NPAS3: variants seen among roughly 807,000 people sequenced by gnomAD.
The protein encoded by NPAS3 is neuronal PAS domain-containing protein 3.
A neutral mutation model predicts 73.1 loss-of-function variants in NPAS3; 14 were observed. The observed-to-expected ratio is 0.19, with a 90% CI of 0.13 to 0.30. The LOEUF (loss-of-function observed/expected upper bound fraction) is 0.30. Among genes scored for constraint, NPAS3 ranks in the 10% least tolerant of loss-of-function variants. NPAS3 has a pLI of 1.00. For synonymous variants in NPAS3, 620 were observed against 541.5 expected (o/e 1.14, Z -2.01); for missense variants, 1,096 against 1,250.0 (o/e 0.88, Z 1.86).
intron 2 of NPAS3, among the ~76,000 whole-genome samples, chr14:33,084,623 T>A (rs1464415782): frequency 6.6e-6 from 1 of 152,134 alleles, no homozygotes; most frequent in African/African-American, 2.4e-5. Flanking sequence ...TCCCATGGAA[T>A]CCCTCTGGGC....
At chr14:33,045,095 A>G (rs1004376122) in intron 1 of NPAS3, among the ~76,000 whole-genome samples, 1 of 152,124 alleles carries the variant, frequency 6.6e-6, no homozygotes, top group Non-Finnish European at 1.5e-5. Context: ...CCAACCTGGA[A>G]GTGCTGCTCA....
At chr14:33,597,446 G>C (rs746673461) in intron 5 of NPAS3, among the ~76,000 whole-genome samples, 2 of 152,198 alleles carry the variant, frequency 1.3e-5, no homozygotes, top group African/African-American at 2.4e-5. Context: ...AACATAAAGA[G>C]TAATTTTCGT....
chr14:33,506,443 T>A (rs2052766383), intron 4 of NPAS3, among the ~76,000 whole-genome samples: 1 of 152,102 alleles, frequency 6.6e-6, no homozygotes, highest in Admixed American at 6.5e-5. Context: ...AGGAGACTCC[T>A]TCCTTGTATC....
At chr14:33,497,592 T>G (rs2052269581) in intron 4 of NPAS3, among the ~76,000 whole-genome samples, 2 of 152,030 alleles carry the variant, frequency 1.3e-5, no homozygotes, top group African/African-American at 4.8e-5. Context: ...AAAACAAGCA[T>G]GAGGAAAGGA....
In NPAS3 at chr14:33,146,809, G is replaced by A. The variant is rs117577243; in HGVS notation, c.141-68373G>A. 2.6e-4 allele frequency among the ~76,000 whole-genome samples: 39 copies of A among 152,330 alleles called. No homozygotes were observed. In the East Asian group the frequency reaches 5.2e-3, roughly 20 times the overall value. On this transcript the variant is annotated intron_variant, in intron 2 of 11. Transcript: ENST00000356141. ...TAAGATAGAGGTTTACCGAAGGGCAGGAGGAGTAGAGAAGAGGGCCATGAC... is the reference window on the plus strand; with the variant it reads ...TAAGATAGAGGTTTACCGAAGGGCAAGAGGAGTAGAGAAGAGGGCCATGAC...
chr14:33,602,632 T>C (rs2057435214), intron 5 of NPAS3, among the ~76,000 whole-genome samples: 1 of 152,198 alleles, frequency 6.6e-6, no homozygotes, highest in African/African-American at 2.4e-5. Context: ...GTAAAGTTTT[T>C]TTTTCATCCA....
At chr14:33,218,602 T>C (rs1351338555) in intron 3 of NPAS3, among the ~76,000 whole-genome samples, 1 of 152,202 alleles carries the variant, frequency 6.6e-6, no homozygotes, top group Non-Finnish European at 1.5e-5. Flanking sequence ...ACGATAGACA[T>C]TATACTTCAT....
chr14:33,762,048 A>C (rs2062309238), intron 7 of NPAS3, among the ~76,000 whole-genome samples: 2 of 152,226 alleles, frequency 1.3e-5, no homozygotes, highest in Non-Finnish European at 2.9e-5. Context: ...GATCTCATTT[A>C]ATGCATTGAT....
intron 4 of NPAS3, among the ~76,000 whole-genome samples, chr14:33,548,318 C>T (rs2054942365): frequency 6.6e-6 from 1 of 152,098 alleles, no homozygotes; most frequent in East Asian, 1.9e-4. Context: ...TGGAATATAT[C>T]CATTTTTAAA....
At chr14:32,957,360 G>A (rs116796512) in intron 1 of NPAS3, among the ~76,000 whole-genome samples, 2 of 150,456 alleles carry the variant, frequency 1.3e-5, no homozygotes, top group African/African-American at 4.9e-5. Flanking sequence ...GTTATTATAA[G>A]TATTCATTTT....
chr14:33,345,965 G>T (rs1214540763), intron 3 of NPAS3, among the ~76,000 whole-genome samples: 1 of 152,128 alleles, frequency 6.6e-6, no homozygotes, highest in African/African-American at 2.4e-5. Flanking sequence ...GGGCACGGTG[G>T]TTCATGCCTG....
At chr14:33,003,229 T>C (rs2038873727) in intron 1 of NPAS3, among the ~76,000 whole-genome samples, 1 of 152,068 alleles carries the variant, frequency 6.6e-6, no homozygotes, top group Admixed American at 6.5e-5. Context: ...AGCTCAATTA[T>C]GCTAAAAACT....
chr14:32,967,793 A>G (rs1317844483), intron 1 of NPAS3, among the ~76,000 whole-genome samples: 2 of 148,062 alleles, frequency 1.4e-5, no homozygotes, highest in East Asian at 3.8e-4. Context: ...CTAAAAAATA[A>G]AAAACGGTAG....
intron 1 of NPAS3, among the ~76,000 whole-genome samples, chr14:33,000,347 T>C (rs1013529785): frequency 5.3e-5 from 8 of 152,178 alleles, no homozygotes; most frequent in Admixed American, 2.0e-4. Flanking sequence ...TGTGGCAGGT[T>C]GTTTAGCCAC....
Position 33,344,966 on chromosome 14 carries a change from G to A in NPAS3, c.386-22220G>A, listed in dbSNP as rs1037298989. 2.0e-5 allele frequency among the ~76,000 whole-genome samples: 3 copies of A among 152,180 alleles called. No homozygotes were observed. The South Asian group carries it at 6.2e-4, about 32-fold the overall frequency. On this transcript the variant is annotated intron_variant, in intron 3 of 11. Coordinates refer to ENST00000356141, the Ensembl canonical transcript of NPAS3. ...CTGGATATGCAACTGGAAAGGGCAA[G>A]TGCAAGGATAGTGAAGGGCAAGGGT...
chr14:33,292,872 A>G (rs1264623712), intron 3 of NPAS3, among the ~76,000 whole-genome samples: 5 of 152,156 alleles, frequency 3.3e-5, no homozygotes, highest in Non-Finnish European at 7.3e-5. Context: ...TCTTTCAGGG[A>G]AAATGTCTTG....
chr14:33,683,736 T>C (rs181169686), intron 6 of NPAS3, among the ~76,000 whole-genome samples: 134 of 152,346 alleles, frequency 8.8e-4, no homozygotes, highest in African/African-American at 3.0e-3. Context: ...TTACTCATGA[T>C]TGCTTGGGGA....
At chr14:33,797,785 C>A (rs957180982) in intron 11 of NPAS3, among the ~76,000 whole-genome samples, 4 of 151,506 alleles carry the variant, frequency 2.6e-5, no homozygotes, top group Admixed American at 2.6e-4. Context: ...CCTGTATGTA[C>A]TATATAGGTA....
At chr14:33,532,047 T>C (rs967693013) in intron 4 of NPAS3, among the ~76,000 whole-genome samples, 1 of 152,142 alleles carries the variant, frequency 6.6e-6, no homozygotes, top group African/African-American at 2.4e-5. Context: ...TCTGTGCAAA[T>C]GTTAGGAAAT....
Sources: allele counts gnomAD v4.1 joint callset (sites outside exome capture counted in the v4.1 genomes callset), GRCh38; gene constraint gnomAD v4.1.1; transcripts MANE v1.5; gene names NCBI Gene and HGNC (gene_info 2026-07-23, HGNC 2026-07-21).